Variants in ARHGAP20 observed in about 807,000 individuals in gnomAD.
The protein encoded by ARHGAP20 is Rho GTPase activating protein 20.
A neutral mutation model predicts 73.7 loss-of-function variants in ARHGAP20; 34 were observed. That is an observed-to-expected ratio of 0.46 (90% confidence interval 0.35 to 0.61). The LOEUF (loss-of-function observed/expected upper bound fraction) is 0.61. Among genes scored for constraint, ARHGAP20 ranks in the 20% least tolerant of loss-of-function variants. The pLI, the probability that ARHGAP20 is intolerant of heterozygous loss-of-function variation, is 0.00. For missense variants in ARHGAP20, 1,314 were observed against 1,420.9 expected (o/e 0.92, Z 1.21); for synonymous variants, 523 against 518.2 (o/e 1.01, Z -0.13).
chr11:110,625,008 TA>T (rs1228115490), intron 3 of ARHGAP20, among the ~76,000 whole-genome samples: 1 of 132,264 alleles, frequency 7.6e-6, no homozygotes, highest in Non-Finnish European at 1.6e-5. Context: ...ACACAGGATT[TA>T]TTTTTTTTTT....
intron 7 of ARHGAP20, among the ~76,000 whole-genome samples, chr11:110,610,836 T>C (rs1208556034): frequency 6.6e-6 from 1 of 152,142 alleles, no homozygotes; most frequent in Non-Finnish European, 1.5e-5. Context: ...TTAGGACTTG[T>C]AGCCAGCTAA....
intron 1 of ARHGAP20, among the ~76,000 whole-genome samples, chr11:110,705,194 G>A (rs1950531099): frequency 6.6e-6 from 1 of 152,106 alleles, no homozygotes; most frequent in Non-Finnish European, 1.5e-5. Flanking sequence ...AGTCCTGGAT[G>A]GAAAGGTAAG....
At chr11:110,601,046 A>G (rs1302297012) in intron 9 of ARHGAP20, among the ~76,000 whole-genome samples, 1 of 152,252 alleles carries the variant, frequency 6.6e-6, no homozygotes, top group Non-Finnish European at 1.5e-5. Flanking sequence ...TAAAAATAAA[A>G]TATTGTTCTC....
chr11:110,625,776 A>G (rs913469143), intron 3 of ARHGAP20, among the ~76,000 whole-genome samples: 6 of 152,212 alleles, frequency 3.9e-5, no homozygotes, highest in Non-Finnish European at 7.3e-5. Context: ...AGGCACAGAG[A>G]AGGATAAAGA....
intron 2 of ARHGAP20, among the ~76,000 whole-genome samples, chr11:110,638,873 A>C (rs1949022951): frequency 6.6e-6 from 1 of 152,046 alleles, no homozygotes; most frequent in Non-Finnish European, 1.5e-5. Context: ...GTGGGGAGGG[A>C]TAGCATTAGG....
At chr11:110,687,071 C>CATATATATAG in intron 2 of ARHGAP20, among the ~76,000 whole-genome samples, 1 of 111,552 alleles carries the variant, frequency 9.0e-6, no homozygotes, top group South Asian at 3.4e-4. Flanking sequence ...CACACACACA[C>CATATATATAG]ACACACATAT....
chr11:110,580,913 G>A lies in ARHGAP20; in HGVS notation c.2033C>T (p.Ser678Phe), dbSNP rs1344696015. The A allele has an allele frequency of 6.2e-7, 1 of 1,613,572 alleles. No homozygotes were observed. The highest frequency in any genetic ancestry group is 2.2e-5 in the East Asian group (1 of 44,876). ...IPLRDHARAP[S>F]AMCTPSYLST... is the part of the protein sequence containing the mutation. ...CAGGTAGCTGGGTGTGCACATGGCA[G>A]ATGGGGCCCTGGCATGATCCCGCAG... Residue 678 changes from serine to phenylalanine, a missense_variant, in exon 15 of 15, where the codon TCT (serine) becomes TTT (phenylalanine). Transcript: ENST00000683387.
intron 1 of ARHGAP20, among the ~76,000 whole-genome samples, chr11:110,702,428 C>T (rs1941817606): frequency 6.6e-6 from 1 of 152,192 alleles, no homozygotes; most frequent in South Asian, 2.1e-4. Context: ...CAGCCAATAT[C>T]ATACTGAATG....
intron 2 of ARHGAP20, among the ~76,000 whole-genome samples, chr11:110,633,624 C>T (rs537820819): frequency 2.0e-5 from 3 of 152,270 alleles, no homozygotes; most frequent in African/African-American, 7.2e-5. Flanking sequence ...CCTGTGCTAG[C>T]TTAGGTGTAT....
At chr11:110,654,764 C>T (rs1429568546) in intron 2 of ARHGAP20, among the ~76,000 whole-genome samples, 1 of 152,122 alleles carries the variant, frequency 6.6e-6, no homozygotes, top group Non-Finnish European at 1.5e-5. Context: ...AGCGTAAGTG[C>T]TAAAGCAAAA....
At chr11:110,586,440 C>G in intron 11 of ARHGAP20, 115 bp from the exon 12 acceptor site, 8 of 482,094 alleles carry the variant, frequency 1.7e-5, no homozygotes, top group Non-Finnish European at 2.5e-5. Context: ...CTTCTGTGAA[C>G]TACACAGAGC....
At chr11:110,627,448 T>C (rs547484069) in intron 3 of ARHGAP20, among the ~76,000 whole-genome samples, 13 of 152,284 alleles carry the variant, frequency 8.5e-5, no homozygotes, top group African/African-American at 3.1e-4. Context: ...AGCTGACAGA[T>C]GTACTTTGAT....
In ARHGAP20 at chr11:110,580,895, C is replaced by T. The variant is rs1373916855; in HGVS notation, c.2051G>A (p.Ser684Asn). The change falls in exon 15 of 15, where the codon AGC becomes AAC. Residue 684 changes from serine (S) to asparagine (N), a missense_variant. This residue lies in a region of ARHGAP20 where 641 missense variants were observed against 636.9 expected (regional missense o/e 1.01). Transcript: ENST00000683387. ...ARAPSAMCTP[S>N]YLSTAAANAA... Reference sequence around the variant, plus strand: ...ATTTGCTGCAGCTGTGGACAGGTAGCTGGGTGTGCACATGGCAGATGGGGC... The same window carrying T: ...ATTTGCTGCAGCTGTGGACAGGTAGTTGGGTGTGCACATGGCAGATGGGGC... 1 of 1,612,864 alleles carries T rather than the reference C, an allele frequency of 6.2e-7. No individual in the cohort carries two copies. The highest frequency in any genetic ancestry group is 1.3e-5 in the African/African-American group (1 of 74,894).
chr11:110,692,973 C>T (rs1389145969), intron 1 of ARHGAP20, among the ~76,000 whole-genome samples: 1 of 151,730 alleles, frequency 6.6e-6, no homozygotes, highest in African/African-American at 2.4e-5. Flanking sequence ...ATTTATGAAC[C>T]GCAAGTTAAG....
At chr11:110,583,878 T>C (rs1947542986) in intron 12 of ARHGAP20, 141 bp from the exon 13 acceptor site, 8 of 585,142 alleles carry the variant, frequency 1.4e-5, no homozygotes, top group Admixed American at 3.8e-5. Context: ...CATGGTACCA[T>C]ACAAAGTGAG....
At chr11:110,684,696 A>G (rs184089277) in intron 2 of ARHGAP20, among the ~76,000 whole-genome samples, 45 of 152,334 alleles carry the variant, frequency 3.0e-4, no homozygotes, top group African/African-American at 1.1e-3. Flanking sequence ...TTAGATAAAG[A>G]AAATGTGCTA....
At chr11:110,686,487 T>C (rs998571073) in intron 2 of ARHGAP20, among the ~76,000 whole-genome samples, 2 of 152,174 alleles carry the variant, frequency 1.3e-5, no homozygotes, top group African/African-American at 4.8e-5. Flanking sequence ...CATGTCCATA[T>C]TGTTTTCTTT....
intron 2 of ARHGAP20, among the ~76,000 whole-genome samples, chr11:110,631,550 C>G (rs575132515): frequency 5.0e-4 from 76 of 152,280 alleles, no homozygotes; most frequent in Middle Eastern, 3.4e-3. Flanking sequence ...CAAACTACAC[C>G]CAGCACCTGC....
chr11:110,707,366 T>G (rs1208950872), intron 1 of ARHGAP20, among the ~76,000 whole-genome samples: 1 of 152,148 alleles, frequency 6.6e-6, no homozygotes, highest in Non-Finnish European at 1.5e-5. Flanking sequence ...TATTCCAGAA[T>G]AACTTAAAGT....
Sources: gnomAD v4.1 joint callset for allele counts (sites outside exome capture counted in the v4.1 genomes callset) on GRCh38, gnomAD v4.1.1 for gene constraint, gnomAD v4.1.1 regional missense constraint, MANE v1.5 for transcripts, NCBI Gene and HGNC (gene_info 2026-07-23, HGNC 2026-07-21) for gene names.